The following PCDH19 variants were observed in gnomAD, a reference collection of about 807,000 sequenced individuals.
PCDH19 encodes protocadherin-19.
A neutral mutation model predicts 46.2 loss-of-function variants in PCDH19; 6 were observed. The observed-to-expected ratio is 0.13, with a 90% confidence interval of 0.07 to 0.26. The LOEUF (loss-of-function observed/expected upper bound fraction) is 0.26, where lower values mean the gene tolerates loss of function less well. PCDH19 is among the 10% of genes least tolerant of loss of function. The pLI, the probability that PCDH19 is intolerant of heterozygous loss-of-function variation, is 1.00. For missense variants in PCDH19, 740 were observed against 972.3 expected (o/e 0.76, Z 3.18); for synonymous variants, 481 against 415.7 (o/e 1.16, Z -1.91).
chrX:100,384,884 C>G, intron 3 of PCDH19, among the ~76,000 whole-genome samples: 1 of 111,571 alleles, frequency 9.0e-6, no homozygotes, highest in Middle Eastern at 4.6e-3. Context: ...CCAGGCCGGG[C>G]CCGGTGGCTC....
At chrX:100,310,650 G>T (rs141667335) in intron 5 of PCDH19, among the ~76,000 whole-genome samples, 2,049 of 109,982 alleles carry the variant, frequency 0.019, 52 homozygotes, top group African/African-American at 0.065. Flanking sequence ...GTTTTTGAAA[G>T]TTTCATATAA....
chrX:100,407,142 C>T lies in PCDH19; in HGVS notation c.1456G>A (p.Gly486Ser). ...SARDPDLGLN[G>S]SVSYQIVPSQ... Reference sequence around the variant, plus strand: ...GGCACGATCTGGTAGGAGACACTGCCGTTGAGACCCAGGTCGGGGTCGCGA... The same window carrying T: ...GGCACGATCTGGTAGGAGACACTGCTGTTGAGACCCAGGTCGGGGTCGCGA... The change falls in exon 1 of 6, where the codon GGC becomes AGC. Residue 486 changes from glycine (G) to serine (S), a missense_variant. Around this residue, in one of 5 missense-constraint regions of PCDH19, gnomAD observed 186 missense variants for 319.9 expected, o/e 0.58. Transcript: ENST00000373034. 1.7e-6 allele frequency: 2 copies of T among 1,211,921 alleles called. No homozygotes were observed. Among genetic ancestry groups the T allele is most frequent in the Non-Finnish European group, 2.2e-6 (2 of 895,530 alleles).
chrX:100,299,671 T>C (rs761706511), intron 5 of PCDH19, among the ~76,000 whole-genome samples: 1 of 111,694 alleles, frequency 9.0e-6, no homozygotes, highest in South Asian at 3.8e-4. Flanking sequence ...TGACCCACTG[T>C]CTAAATGAAA....
Position 100,295,826 on chromosome X carries a change from C to T in PCDH19, c.*451G>A, listed in dbSNP as rs1924577521. ...CACATCACTGAATCAATGAATAGTA[C>T]ACAATAAATGACCATTAACTTGTCT... On this transcript the variant is annotated 3_prime_UTR_variant, in exon 6 of 6. Transcript: ENST00000373034. 6 of 129,690 alleles carry T rather than the reference C, an allele frequency of 4.6e-5. No homozygotes were observed. The South Asian group carries it at 1.2e-3, about 25-fold the overall frequency. 10.7% of individuals were successfully genotyped at this position (129,690 alleles called of 1,213,427 possible).
At chrX:100,354,734 T>C (rs1384189336) in intron 3 of PCDH19, among the ~76,000 whole-genome samples, 2 of 111,803 alleles carry the variant, frequency 1.8e-5, no homozygotes, top group African/African-American at 3.2e-5. Context: ...CCTTATTTAA[T>C]CAAAATTTGC....
Position 100,407,874 on chromosome X carries a change from T to C in PCDH19, c.724A>G (p.Thr242Ala). The part of the protein sequence containing the change: ...NDNNPVFSES[T>A]YAVSVPENSP... ...TTTTCTGGCACGCTCACCGCGTAGG[T>C]GGACTCGCTAAACACCGGGTTGTTG... Residue 242 changes from threonine to alanine, a missense_variant, in exon 1 of 6, where the codon ACC (threonine) becomes GCC (alanine). Transcript: ENST00000373034. 10 of 1,212,227 alleles carry C rather than the reference T, an allele frequency of 8.2e-6. No individual in the cohort carries two copies. The highest frequency in any genetic ancestry group is 1.1e-5 in the Non-Finnish European group (10 of 895,543).
At chrX:100,315,989 G>C (rs925427861) in intron 5 of PCDH19, among the ~76,000 whole-genome samples, 24 of 111,721 alleles carry the variant, frequency 2.1e-4, no homozygotes, top group African/African-American at 7.2e-4. Flanking sequence ...TATTCTGGAG[G>C]CATGTTTCTG....
chrX:100,331,202 C>G (rs1051209481), intron 5 of PCDH19, among the ~76,000 whole-genome samples: 4 of 112,203 alleles, frequency 3.6e-5, no homozygotes, highest in African/African-American at 6.5e-5. Context: ...GACACCTGCA[C>G]ACACACACTT....
chrX:100,347,752 A>G (rs1238713743), intron 4 of PCDH19, among the ~76,000 whole-genome samples: 1 of 111,238 alleles, frequency 9.0e-6, no homozygotes, highest in Non-Finnish European at 1.9e-5. Context: ...GAATAGAAGA[A>G]GAGAACATGG....
intron 4 of PCDH19, among the ~76,000 whole-genome samples, chrX:100,345,300 A>C (rs1926365194): frequency 1.8e-5 from 2 of 111,588 alleles, no homozygotes; most frequent in Admixed American, 1.9e-4. Context: ...TTTAAAGAAC[A>C]CTTCTATATC....
chrX:100,369,018 A>G (rs1349685062), intron 3 of PCDH19, among the ~76,000 whole-genome samples: 4 of 112,049 alleles, frequency 3.6e-5, no homozygotes, highest in Non-Finnish European at 7.5e-5. Context: ...CAACCATATT[A>G]TAAAATTTGC....
chrX:100,377,259 T>TCACA (rs1403985274), intron 3 of PCDH19, among the ~76,000 whole-genome samples: 1 of 111,975 alleles, frequency 8.9e-6, no homozygotes. Context: ...GGGTTTTTTT[T>TCACA]CACACAATTG....
At chrX:100,347,109 C>T (rs1926427499) in intron 4 of PCDH19, among the ~76,000 whole-genome samples, 1 of 110,725 alleles carries the variant, frequency 9.0e-6, no homozygotes, top group Admixed American at 9.6e-5. Context: ...TGCTAGATTC[C>T]TTGGTGCATA....
chrX:100,350,845 C>T (rs1470195798), intron 3 of PCDH19, 141 bp from the exon 4 acceptor site: 2 of 486,781 alleles, frequency 4.1e-6, no homozygotes, highest in Non-Finnish European at 7.3e-6. Context: ...GCAGCAGCAG[C>T]CTCTGCCTCC....
Position 100,379,531 on chromosome X carries a change from C to T in PCDH19, c.2616+22993G>A, listed in dbSNP as rs185475379. On this transcript the variant is annotated intron_variant, in intron 3 of 5. Transcript: ENST00000373034. ...TGAAGAGATAAAGACAATGAAATTA[C>T]GGTGGCCAAGTTGAATAAAGGCTGG... Among the ~76,000 whole-genome samples, 39 of 112,244 alleles carry T rather than the reference C, an allele frequency of 3.5e-4. No individual in the cohort carries two copies. The East Asian group carries it at 9.5e-3, about 27-fold the overall frequency.
At chrX:100,360,857 G>A (rs1378746716) in intron 3 of PCDH19, among the ~76,000 whole-genome samples, 1 of 111,947 alleles carries the variant, frequency 8.9e-6, no homozygotes, top group Non-Finnish European at 1.9e-5. Context: ...TAACTGACAA[G>A]CAATAAGAAG....
rs780242225 is a variant in PCDH19 at position 100,406,887 on chromosome X, C to T, written c.1711G>A (p.Gly571Ser). The change falls in exon 1 of 6, where the codon GGC becomes AGC. Residue 571 changes from glycine (G) to serine (S), a missense_variant. This residue lies in a region of PCDH19 where 186 missense variants were observed against 319.9 expected (regional missense o/e 0.58). Coordinates refer to ENST00000373034, the MANE Select transcript of PCDH19 (RefSeq NM_001184880.2). Reference protein sequence around the residue: ...PVITAPPLINGTAEVYIPRNS... With the variant: ...PVITAPPLINSTAEVYIPRNS... ...CGGGGTATGTAGACCTCGGCAGTGC[C>T]GTTAATCAGAGGTGGGGCTGTGATG... 3 of 1,211,784 alleles carry T rather than the reference C, an allele frequency of 2.5e-6. No individual in the cohort carries two copies. Among genetic ancestry groups the T allele is most frequent in the African/African-American group, 3.5e-5 (2 of 57,794 alleles).
intron 3 of PCDH19, among the ~76,000 whole-genome samples, chrX:100,351,479 G>A (rs948921833): frequency 8.9e-6 from 1 of 112,698 alleles, no homozygotes. Context: ...CAGAGGTTGG[G>A]AGAACTAGAG....
At chrX:100,398,210 C>T (rs1602629669) in intron 3 of PCDH19, among the ~76,000 whole-genome samples, 1 of 112,128 alleles carries the variant, frequency 8.9e-6, no homozygotes, top group African/African-American at 3.2e-5. Flanking sequence ...AATTTGTGTA[C>T]GAAACCACAA....
Sources: allele counts gnomAD v4.1 joint callset (sites outside exome capture counted in the v4.1 genomes callset), GRCh38; gene constraint gnomAD v4.1.1; regional missense constraint gnomAD v4.1.1; transcripts MANE v1.5; gene names NCBI Gene and HGNC (gene_info 2026-07-23, HGNC 2026-07-21).